The following KAZN variants were observed in gnomAD, a reference collection of about 807,000 sequenced individuals.
The protein encoded by KAZN is kazrin, periplakin interacting protein, also known as kazrin.
KAZN carries 40 observed loss-of-function variants against 87.4 expected under a neutral mutation model. That is an observed-to-expected ratio of 0.46 (90% CI 0.36 to 0.60). KAZN has a LOEUF of 0.60. Ranked by LOEUF, KAZN falls within the 20% of genes least tolerant of loss-of-function variation. KAZN has a pLI of 0.00. For synonymous variants in KAZN, 466 were observed against 458.3 expected, an observed-to-expected ratio of 1.02 and a Z score of -0.22; for missense variants, 898 against 1,073.9, an observed-to-expected ratio of 0.84 and a Z score of 2.29.
intron 1 of KAZN, among the ~76,000 whole-genome samples, chr1:13,920,968 T>C (rs1054767486): frequency 1.3e-5 from 2 of 152,160 alleles, no homozygotes; most frequent in Non-Finnish European, 2.9e-5. Flanking sequence ...CAGAGGAATG[T>C]GCACATAGCA....
intron 1 of KAZN, among the ~76,000 whole-genome samples, chr1:14,926,213 T>C (rs949464557): frequency 1.3e-5 from 2 of 152,186 alleles, no homozygotes. Flanking sequence ...TTTTGTCTTG[T>C]CTGTAAAATA....
chr1:14,508,643 G>C (rs544097374), intron 2 of KAZN, among the ~76,000 whole-genome samples: 86 of 152,284 alleles, frequency 5.6e-4, no homozygotes, highest in Non-Finnish European at 1.1e-3. Flanking sequence ...AAGAGTTGCC[G>C]TAAGTGGAGG....
At chr1:14,032,119 C>G (rs904321986) in intron 1 of KAZN, among the ~76,000 whole-genome samples, 2 of 152,162 alleles carry the variant, frequency 1.3e-5, no homozygotes, top group Non-Finnish European at 2.9e-5. Context: ...AACTTCCCAT[C>G]CCCTGGCTAC....
At position 15,056,319 on chromosome 1, in the gene KAZN, G is replaced by C. The variant is rs776965034; in HGVS notation, c.916+39G>C. ...TGGCCTGGCTCCACCACGGCTTCGA[G>C]GGGCTTCACAGGAGGCCATCTGACC... On this transcript the variant is annotated intron_variant, in intron 5 of 14. Transcript: ENST00000376030. The surrounding 1 kb of genome is among the most constrained non-coding windows in gnomAD (Gnocchi z 5.4). 4.5e-6 allele frequency: 7 copies of C among 1,555,042 alleles called. No individual in the cohort carries two copies. In the South Asian group the frequency reaches 4.7e-5, roughly 10 times the overall value.
intron 1 of KAZN, among the ~76,000 whole-genome samples, chr1:14,006,313 G>A (rs916216287): frequency 1.3e-5 from 2 of 152,164 alleles, no homozygotes; most frequent in Non-Finnish European, 2.9e-5. Flanking sequence ...TACAAGTATG[G>A]CACCAGTGTC....
Position 14,769,490 on chromosome 1 carries a change from G to A in KAZN, c.226+170267G>A, listed in dbSNP as rs1366559424. Among the ~76,000 whole-genome samples the A allele has an allele frequency of 6.6e-6, 1 of 152,096 alleles. No individual in the cohort carries two copies. Among genetic ancestry groups the A allele is most frequent in the Non-Finnish European group, 1.5e-5 (1 of 68,036 alleles). On this transcript the variant is annotated intron_variant, in intron 1 of 14. Coordinates refer to ENST00000376030, the MANE Select transcript of KAZN (RefSeq NM_201628.3). This position sits in a 1 kb window ranked among gnomAD's most constrained non-coding sequence, Gnocchi z 4.1. Reference sequence around the variant, plus strand: ...GTGCCTCATTCTCCTGAGTATCTGGGATTACAGGCGCCCACCACCACGCCC... The same window carrying A: ...GTGCCTCATTCTCCTGAGTATCTGGAATTACAGGCGCCCACCACCACGCCC...
At chr1:14,723,845 C>T (rs1322792196) in intron 1 of KAZN, among the ~76,000 whole-genome samples, 1 of 152,132 alleles carries the variant, frequency 6.6e-6, no homozygotes, top group African/African-American at 2.4e-5. Context: ...CTGGGCACCT[C>T]CTATTTCCCA....
In KAZN at chr1:15,115,923, C is replaced by G. The variant is rs146593816; in HGVS notation, c.*1288C>G. 6.6e-6 allele frequency: 1 copy of G among 152,124 alleles called. No individual in the cohort carries two copies. Among genetic ancestry groups the G allele is most frequent in the Non-Finnish European group, 1.5e-5 (1 of 68,028 alleles). The allele number at this position is 152,124 out of a possible 1,614,324, so 9.4% of individuals were successfully genotyped here. Reference sequence around the variant, plus strand: ...ACACAGAAATGATATAGAGCTAGTTCGCTCCAACTCTTTAGGTTGAAGCAG... The same window carrying G: ...ACACAGAAATGATATAGAGCTAGTTGGCTCCAACTCTTTAGGTTGAAGCAG... On this transcript the variant is annotated 3_prime_UTR_variant, in exon 15 of 15. Coordinates refer to ENST00000376030, the MANE Select transcript of KAZN (RefSeq NM_201628.3). This position sits in a 1 kb window ranked among gnomAD's most constrained non-coding sequence, Gnocchi z 4.1.
intron 1 of KAZN, among the ~76,000 whole-genome samples, chr1:14,626,455 C>T (rs149161531): frequency 1.3e-5 from 2 of 152,306 alleles, no homozygotes; most frequent in African/African-American, 4.8e-5. Flanking sequence ...GTACCTATTT[C>T]GCAGATGAGA....
At chr1:14,730,329 G>C (rs186983802) in intron 1 of KAZN, among the ~76,000 whole-genome samples, 1 of 152,266 alleles carries the variant, frequency 6.6e-6, no homozygotes, top group Non-Finnish European at 1.5e-5. Context: ...TAATCCGCCC[G>C]CCTCGGCTTC....
chr1:14,531,365 G>A (rs575021064), intron 2 of KAZN, among the ~76,000 whole-genome samples: 7 of 152,196 alleles, frequency 4.6e-5, no homozygotes, highest in Non-Finnish European at 1.0e-4. Flanking sequence ...ACAGGAAGCC[G>A]AAAATGTGTG....
At chr1:14,541,449 A>G (rs1056913422) in intron 2 of KAZN, among the ~76,000 whole-genome samples, 2 of 152,198 alleles carry the variant, frequency 1.3e-5, no homozygotes, top group Admixed American at 1.3e-4. Context: ...CAAACAGTGA[A>G]GGTGAATCTT....
intron 1 of KAZN, among the ~76,000 whole-genome samples, chr1:14,790,690 C>T (rs77468849): frequency 0.016 from 2,500 of 152,242 alleles, 39 homozygotes; most frequent in African/African-American, 0.042. Context: ...CACCAGGTCT[C>T]CTAGAATTGG....
intron 3 of KAZN, among the ~76,000 whole-genome samples, chr1:15,038,217 G>T (rs1460823391): frequency 1.3e-5 from 2 of 152,000 alleles, no homozygotes; most frequent in East Asian, 3.8e-4. Context: ...TTGTGCCACT[G>T]CACTCCAGCC....
intron 2 of KAZN, among the ~76,000 whole-genome samples, chr1:14,975,024 A>G (rs1167509621): frequency 6.6e-6 from 1 of 152,164 alleles, no homozygotes; most frequent in Non-Finnish European, 1.5e-5. Flanking sequence ...GCATTTTAGA[A>G]CCCTGTAAGT....
chr1:14,473,918 C>T (rs1454318673), intron 2 of KAZN, among the ~76,000 whole-genome samples: 1 of 152,214 alleles, frequency 6.6e-6, no homozygotes, highest in Non-Finnish European at 1.5e-5. Flanking sequence ...CTCTGAAAGG[C>T]TTTCCTTGAT....
chr1:14,866,956 CTG>C (rs1313203846), intron 1 of KAZN, among the ~76,000 whole-genome samples: 2 of 152,218 alleles, frequency 1.3e-5, no homozygotes, highest in Non-Finnish European at 2.9e-5. Context: ...ATGGAGAATG[CTG>C]TTATTGTCAT....
rs868215626 is a variant in KAZN, at chr1:14,883,340, G to A, written c.227-77344G>A. ...AGAAAGAGAGAGAGAGAGAGAGAGA[G>A]AGAAAGAAAGAAAGAAAAGAAAGAA... On this transcript the variant is annotated intron_variant, in intron 1 of 14. Coordinates refer to ENST00000376030, the MANE Select transcript of KAZN (RefSeq NM_201628.3). 5.9e-3 allele frequency among the ~76,000 whole-genome samples: 144 copies of A among 24,414 alleles called. 3 individuals are homozygous for A. Among genetic ancestry groups the A allele is most frequent in the African/African-American group, 0.015 (115 of 7,844 alleles). The allele number at this position is 24,414 out of a possible 152,430, so 16.0% of individuals were successfully genotyped here.
intron 2 of KAZN, among the ~76,000 whole-genome samples, chr1:14,390,110 C>G (rs1430180552): frequency 6.6e-6 from 1 of 151,814 alleles, no homozygotes; most frequent in East Asian, 1.9e-4. Context: ...TTTCCATTTG[C>G]AAAAACAAAA....
Sources: allele counts gnomAD v4.1 joint callset (sites outside exome capture counted in the v4.1 genomes callset), GRCh38; gene constraint gnomAD v4.1.1; non-coding constraint Gnocchi (gnomAD v3.1); transcripts MANE v1.5; gene names NCBI Gene and HGNC (gene_info 2026-07-23, HGNC 2026-07-21).